NRXN3: variants seen among roughly 807,000 people sequenced by gnomAD.
NRXN3 encodes the protein neurexin 3.
In NRXN3, 32 loss-of-function variants were observed where a neutral mutation model predicts 137.6. That is an observed-to-expected ratio of 0.23 (90% CI 0.18 to 0.31). NRXN3 has a LOEUF of 0.31. Among genes scored for constraint, NRXN3 ranks in the 10% least tolerant of loss-of-function variants. NRXN3 has a pLI of 1.00. For missense variants in NRXN3, 1,574 were observed against 2,062.5 expected, an observed-to-expected ratio of 0.76 and a Z score of 4.59; for synonymous variants, 798 against 784.5, an observed-to-expected ratio of 1.02 and a Z score of -0.29.
chr14:78,807,408 C>G (rs1469825070), intron 9 of NRXN3, among the ~76,000 whole-genome samples: 1 of 152,106 alleles, frequency 6.6e-6, no homozygotes, highest in Non-Finnish European at 1.5e-5. Flanking sequence ...TTTACCTCTT[C>G]CATGCTCGAC....
At chr14:78,332,613 C>G (rs1597419728) in intron 4 of NRXN3, among the ~76,000 whole-genome samples, 1 of 152,192 alleles carries the variant, frequency 6.6e-6, no homozygotes. Context: ...TGCACCCAGC[C>G]TGTACCATAT....
At chr14:78,189,469 C>T (rs1205841960) in intron 1 of NRXN3, among the ~76,000 whole-genome samples, 1 of 152,192 alleles carries the variant, frequency 6.6e-6, no homozygotes, top group Non-Finnish European at 1.5e-5. Context: ...GCCCTTCTGC[C>T]TCCTCTTCCA....
chr14:79,443,469 C>T (rs2096002958), intron 15 of NRXN3, among the ~76,000 whole-genome samples: 1 of 152,024 alleles, frequency 6.6e-6, no homozygotes, highest in African/African-American at 2.4e-5. Context: ...GATAAAAAAG[C>T]TTCATAAAGA....
chr14:78,593,256 A>G lies in NRXN3; in HGVS notation c.758-51864A>G, dbSNP rs995815509. Among the ~76,000 whole-genome samples, 2 of 152,200 alleles carry G rather than the reference A, an allele frequency of 1.3e-5. 1 individual carries two copies. The highest frequency in any genetic ancestry group is 2.9e-5 in the Non-Finnish European group (2 of 68,044). On this transcript the variant is annotated intron_variant, in intron 4 of 20. Coordinates refer to ENST00000335750, the MANE Select transcript of NRXN3 (RefSeq NM_001330195.2). ...TCCACCCCCTCTTCTCTATTTAAAG[A>G]CATATTAACATCTCTAGCTCTACCT...
Position 78,472,309 on chromosome 14 carries a change from G to A in NRXN3, c.758-172811G>A, listed in dbSNP as rs189119747. ...TTTTACTGTGAGGAACTTAAGGATC[G>A]GGGAAGTTAAGTCACTTACTCAACC... is the stretch of plus-strand genomic sequence containing the variant. On this transcript the variant is annotated intron_variant, in intron 4 of 20. Coordinates refer to ENST00000335750, the MANE Select transcript of NRXN3 (RefSeq NM_001330195.2). 4.6e-5 allele frequency among the ~76,000 whole-genome samples: 7 copies of A among 152,238 alleles called. No individual in the cohort carries two copies. In the East Asian group the frequency reaches 7.7e-4, roughly 17 times the overall value.
chr14:79,056,585 A>T (rs1381163305), intron 15 of NRXN3, among the ~76,000 whole-genome samples: 5 of 152,164 alleles, frequency 3.3e-5, no homozygotes, highest in Admixed American at 1.3e-4. Context: ...AGCTGAAGGG[A>T]TAATTAGAGG....
At chr14:79,275,260 T>C (rs190959269) in intron 15 of NRXN3, among the ~76,000 whole-genome samples, 18 of 152,256 alleles carry the variant, frequency 1.2e-4, no homozygotes, top group Admixed American at 9.8e-4. Context: ...TCTCCCTAAA[T>C]TGCCTTCTGG....
intron 15 of NRXN3, among the ~76,000 whole-genome samples, chr14:79,178,593 T>G (rs946199991): frequency 3.3e-5 from 5 of 152,220 alleles, no homozygotes; most frequent in Non-Finnish European, 7.3e-5. Flanking sequence ...GCCCATGATT[T>G]TTTTCTGTTT....
intron 6 of NRXN3, among the ~76,000 whole-genome samples, chr14:78,654,666 T>C (rs150604433): frequency 3.3e-5 from 5 of 152,370 alleles, no homozygotes; most frequent in African/African-American, 1.2e-4. Flanking sequence ...GTTATCAATA[T>C]GCAGTTTGTG....
At chr14:78,862,321 T>C (rs2099074743) in intron 10 of NRXN3, among the ~76,000 whole-genome samples, 1 of 152,012 alleles carries the variant, frequency 6.6e-6, no homozygotes. Flanking sequence ...GCTTGGCAGA[T>C]TTGAAAAATA....
At chr14:78,517,397 G>A (rs1429872925) in intron 4 of NRXN3, among the ~76,000 whole-genome samples, 1 of 152,138 alleles carries the variant, frequency 6.6e-6, no homozygotes, top group African/African-American at 2.4e-5. Context: ...AGAATTTGGT[G>A]AGAGGGGGCT....
chr14:79,809,427 C>A (rs567892254), intron 20 of NRXN3, among the ~76,000 whole-genome samples: 1 of 152,318 alleles, frequency 6.6e-6, no homozygotes, highest in South Asian at 2.1e-4. Flanking sequence ...GCATAAGCCA[C>A]TGTGCCTGGC....
intron 17 of NRXN3, among the ~76,000 whole-genome samples, chr14:79,685,250 G>T (rs570702736): frequency 1.3e-5 from 2 of 152,004 alleles, no homozygotes; most frequent in African/African-American, 2.4e-5. Context: ...AATTCTCACC[G>T]CAATCCCATG....
At chr14:79,782,103 C>A (rs988320641) in intron 19 of NRXN3, among the ~76,000 whole-genome samples, 3 of 152,270 alleles carry the variant, frequency 2.0e-5, no homozygotes, top group African/African-American at 7.2e-5. Context: ...AAGCACCCTG[C>A]ACTAATGCTC....
chr14:78,691,679 A>C (rs904323562), intron 6 of NRXN3, among the ~76,000 whole-genome samples: 42 of 152,112 alleles, frequency 2.8e-4, no homozygotes, highest in Admixed American at 2.8e-3. Context: ...TTGTTATCTG[A>C]AATAGATATC....
chr14:79,293,105 G>T (rs907937811), intron 15 of NRXN3, among the ~76,000 whole-genome samples: 7 of 152,128 alleles, frequency 4.6e-5, no homozygotes, highest in Non-Finnish European at 8.8e-5. Flanking sequence ...GCCATTTTAT[G>T]TGTGTGTATT....
chr14:79,325,747 A>G (rs2090759311), intron 15 of NRXN3, among the ~76,000 whole-genome samples: 1 of 152,168 alleles, frequency 6.6e-6, no homozygotes, highest in Non-Finnish European at 1.5e-5. Flanking sequence ...TAGAATCAGC[A>G]TGCAGCGCTG....
At chr14:79,182,936 G>A (rs964143788) in intron 15 of NRXN3, among the ~76,000 whole-genome samples, 3 of 151,958 alleles carry the variant, frequency 2.0e-5, no homozygotes, top group Admixed American at 6.6e-5. Flanking sequence ...ATTTTAAAAT[G>A]GGAAGTGACT....
At chr14:78,398,269 A>G (rs1357028852) in intron 4 of NRXN3, among the ~76,000 whole-genome samples, 1 of 150,524 alleles carries the variant, frequency 6.6e-6, no homozygotes, top group African/African-American at 2.4e-5. Flanking sequence ...TCATTTTACT[A>G]TTGGCATCTA....
Sources: gnomAD v4.1 joint callset for allele counts (sites outside exome capture counted in the v4.1 genomes callset) on GRCh38, gnomAD v4.1.1 for gene constraint, MANE v1.5 for transcripts, NCBI Gene and HGNC (gene_info 2026-07-23, HGNC 2026-07-21) for gene names.